FAH: variants seen among roughly 807,000 people sequenced by gnomAD.
The protein encoded by FAH is fumarylacetoacetate hydrolase.
FAH carries 47 observed loss-of-function variants against 55.8 expected under a neutral mutation model. That is an observed-to-expected ratio of 0.84 (90% CI 0.67 to 1.07). The LOEUF (loss-of-function observed/expected upper bound fraction) is 1.07, where lower values mean the gene tolerates loss of function less well. Among genes scored for constraint, FAH ranks in the 50% least tolerant of loss-of-function variants. The probability of loss-of-function intolerance (pLI) is 0.00; values close to 1 mark genes in which losing one functional copy is unlikely to be tolerated. For missense variants in FAH, 495 were observed against 545.9 expected (o/e 0.91, Z 0.93); for synonymous variants, 199 against 207.7 (o/e 0.96, Z 0.36).
chr15:80,172,451 G>T (rs186675628), intron 8 of FAH, among the ~76,000 whole-genome samples: 1 of 72,486 alleles, frequency 1.4e-5, no homozygotes, highest in East Asian at 7.4e-4. Context: ...CAATTTTCTC[G>T]AGTGGCTAGG....
chr15:80,155,667 G>T (rs1190877530), intron 1 of FAH, among the ~76,000 whole-genome samples: 1 of 152,130 alleles, frequency 6.6e-6, no homozygotes, highest in Non-Finnish European at 1.5e-5. Context: ...ACAGAGACCG[G>T]TAGTGGCCCC....
At chr15:80,181,242 A>T in intron 13 of FAH, 83 bp downstream of exon 13, 1 of 948,122 alleles carries the variant, frequency 1.1e-6, no homozygotes, top group Non-Finnish European at 1.7e-6. Flanking sequence ...CTACCTGGCC[A>T]TGAAGCCATC....
chr15:80,181,005 A>G (rs752731734), intron 12 of FAH, 37 bp from the exon 13 acceptor site: 1 of 1,547,138 alleles, frequency 6.5e-7, no homozygotes, highest in South Asian at 1.1e-5. Flanking sequence ...CAAGGCATAA[A>G]TTCATGTTAT....
At chr15:80,152,907 T>G, upstream of FAH, 1 of 643,572 alleles carries the variant, frequency 1.6e-6, no homozygotes, top group South Asian at 1.7e-5. Flanking sequence ...AAAAGTCAGG[T>G]AGGAGCCTCC....
chr15:80,184,051 A>G (rs932833184), intron 13 of FAH, among the ~76,000 whole-genome samples: 4 of 152,174 alleles, frequency 2.6e-5, no homozygotes, highest in African/African-American at 9.7e-5. Flanking sequence ...AATATCAACA[A>G]AAATCTCTGA....
intron 1 of FAH, 92 bp downstream of exon 1, chr15:80,153,227 G>GGA: frequency 1.9e-6 from 2 of 1,072,266 alleles, no homozygotes; most frequent in Admixed American, 1.7e-5. Flanking sequence ...GGAGTGGAAT[G>GGA]AGGGGCGGGA....
chr15:80,155,167 C>G (rs1469310527), intron 1 of FAH, among the ~76,000 whole-genome samples: 1 of 152,166 alleles, frequency 6.6e-6, no homozygotes, highest in Non-Finnish European at 1.5e-5. Flanking sequence ...AATGAGCTCC[C>G]CGCTGCGGCC....
chr15:80,184,472 C>A (rs929598725), intron 13 of FAH, among the ~76,000 whole-genome samples: 1 of 151,636 alleles, frequency 6.6e-6, no homozygotes. Flanking sequence ...TCCTTCAGGA[C>A]CATGGTTGGG....
chr15:80,185,357 C>T (rs1050331710), intron 13 of FAH, among the ~76,000 whole-genome samples: 13 of 152,166 alleles, frequency 8.5e-5, no homozygotes, highest in Non-Finnish European at 1.8e-4. Flanking sequence ...ATCCATTGCA[C>T]AGATGAAGAA....
chr15:80,172,080 C>T (rs915249724), intron 7 of FAH, 69 bp from the exon 8 acceptor site: 11 of 1,131,278 alleles, frequency 9.7e-6, no homozygotes, highest in Non-Finnish European at 1.5e-5. Context: ...CTGACCTTTG[C>T]TCTCTAGGTG....
intron 10 of FAH, among the ~76,000 whole-genome samples, chr15:80,176,442 A>G (rs2142104568): frequency 6.6e-6 from 1 of 152,328 alleles, no homozygotes; most frequent in East Asian, 1.9e-4. Flanking sequence ...AGTACACTGC[A>G]GGAGCTGTCG....
Position 80,176,295 on chromosome 15 carries a change from C to T in FAH, c.913+1204C>T, listed in dbSNP as rs144330758. ...CCTTCCAAAGTGCTGGGATTACAGGCGTGAGCCACCATGCCCGGCCAGCTC... is the reference window on the plus strand; with the variant it reads ...CCTTCCAAAGTGCTGGGATTACAGGTGTGAGCCACCATGCCCGGCCAGCTC... On this transcript the variant is annotated intron_variant, in intron 10 of 13. Coordinates refer to ENST00000561421, the MANE Select transcript of FAH (RefSeq NM_000137.4). 6.7e-3 allele frequency among the ~76,000 whole-genome samples: 1,025 copies of T among 152,316 alleles called. 44 individuals are homozygous for T. The highest frequency in any genetic ancestry group is 0.06 in the Admixed American group (912 of 15,296).
intron 10 of FAH, 120 bp from the exon 11 acceptor site, chr15:80,177,417 G>A (rs2041293000): frequency 1.1e-6 from 1 of 941,172 alleles, no homozygotes; most frequent in Non-Finnish European, 1.7e-6. Context: ...TTGTTTCACA[G>A]ACTCTAAGTG....
At chr15:80,177,385 G>A in intron 10 of FAH, 152 bp from the exon 11 acceptor site, 1 of 737,156 alleles carries the variant, frequency 1.4e-6, no homozygotes, top group Non-Finnish European at 2.4e-6. Flanking sequence ...GGACCTCCCA[G>A]CTCTGATGTC....
At chr15:80,159,636 G>C in intron 2 of FAH, 120 bp from the exon 3 acceptor site, 1 of 1,159,048 alleles carries the variant, frequency 8.6e-7, no homozygotes, top group East Asian at 2.3e-5. Context: ...GGTCCTGAGA[G>C]TTTGAGTTAG....
rs377283883 is a variant in FAH at position 80,162,333 on chromosome 15, A to G, written c.452A>G (p.Asn151Ser). 19 of 1,612,784 alleles carry G rather than the reference A, an allele frequency of 1.2e-5. No individual in the cohort carries two copies. Among genetic ancestry groups the G allele is most frequent in the Non-Finnish European group, 1.5e-5 (18 of 1,178,748 alleles). Residue 151 changes from asparagine (N) to serine (S), a missense_variant, in exon 5 of 14, where the codon AAT becomes AGT. By Grantham distance (46) the Asn-to-Ser change is conservative (BLOSUM62 1). Transcript: ENST00000561421. ...GACAAGGAGAATGCGTTGATGCCAA[A>G]TTGGTATGAACTGGGCCAAATGTCT... ...FRDKENALMPNWLHLPVGYHG... is the reference protein window; with the variant it reads ...FRDKENALMPSWLHLPVGYHG...
chr15:80,157,604 T>C lies in FAH; in HGVS notation c.82-456T>C, dbSNP rs139331777. 1.9e-4 allele frequency: 46 copies of C among 239,416 alleles called. No individual in the cohort carries two copies. In the East Asian group the frequency reaches 4.2e-3, roughly 22 times the overall value. 14.8% of individuals were successfully genotyped at this position (239,416 alleles called of 1,614,324 possible). On this transcript the variant is annotated intron_variant, in intron 1 of 13. Transcript: ENST00000561421. ...ACAGAGCTCATTAATCCAAGCCACC[T>C]GGCCCTCAGCACTGTGTGTTGGGCA...
intron 13 of FAH, among the ~76,000 whole-genome samples, chr15:80,181,684 C>G (rs1355919001): frequency 6.6e-6 from 1 of 152,186 alleles, no homozygotes; most frequent in Admixed American, 6.5e-5. Flanking sequence ...AGGTCCCCCA[C>G]CAGCTGTGTG....
Position 80,168,274 on chromosome 15 carries a change from C to A in FAH, c.564C>A (p.Pro188=). The A allele has an allele frequency of 6.2e-7, 1 of 1,611,622 alleles. No homozygotes were observed. Among genetic ancestry groups the A allele is most frequent in the South Asian group, 1.1e-5 (1 of 91,066 alleles). ...CTGGTGTTATTCCAGCTAAGCCTCC[C>A]GTATATGGTGCCTGCAAGCTCTTGG... ...GQMKPDDSKP[P]VYGACKLLDM... is the part of the protein sequence containing the mutation. Residue 188 remains proline, a synonymous_variant, in exon 7 of 14, where the codon CCC becomes CCA. Transcript: ENST00000561421.
Sources: allele counts gnomAD v4.1 joint callset (sites outside exome capture counted in the v4.1 genomes callset), GRCh38; gene constraint gnomAD v4.1.1; transcripts MANE v1.5; gene names NCBI Gene and HGNC (gene_info 2026-07-23, HGNC 2026-07-21).